CSMD2: variants seen among roughly 807,000 people sequenced by gnomAD.
The protein encoded by CSMD2 is CUB and sushi domain-containing protein 2.
A neutral mutation model predicts 398.5 loss-of-function variants in CSMD2; 130 were observed. The ratio of observed to expected loss-of-function variants is 0.33; its 90% CI spans 0.28 to 0.38. The LOEUF (loss-of-function observed/expected upper bound fraction) is 0.38. CSMD2 is among the 10% of genes least tolerant of loss of function. CSMD2 has a pLI of 1.00. For synonymous variants in CSMD2, 1,828 were observed against 1,908.5 expected, an observed-to-expected ratio of 0.96 and a Z score of 1.10; for missense variants, 3,829 against 4,764.9, an observed-to-expected ratio of 0.80 and a Z score of 5.78.
chr1:33,670,083 T>C (rs765428989), intron 25 of CSMD2, among the ~76,000 whole-genome samples: 1 of 152,194 alleles, frequency 6.6e-6, no homozygotes, highest in Non-Finnish European at 1.5e-5. Flanking sequence ...AGTAAATTCT[T>C]CTACCCCCTG....
intron 3 of CSMD2, 56 bp downstream of exon 3, chr1:34,032,538 G>T: frequency 8.8e-7 from 1 of 1,138,958 alleles, no homozygotes; most frequent in Non-Finnish European, 1.3e-6. Context: ...AGTCCTGCTT[G>T]TGGCTATTAG....
intron 23 of CSMD2, among the ~76,000 whole-genome samples, chr1:33,699,286 T>C (rs1341127553): frequency 6.6e-6 from 1 of 152,214 alleles, no homozygotes; most frequent in Non-Finnish European, 1.5e-5. Context: ...GATGGTGTAA[T>C]ATGGAGAAGT....
intron 3 of CSMD2, among the ~76,000 whole-genome samples, chr1:34,018,114 T>C (rs1348307821): frequency 6.6e-6 from 1 of 152,258 alleles, no homozygotes; most frequent in Non-Finnish European, 1.5e-5. Flanking sequence ...TCCCTGTTCA[T>C]ATAAGACCTA....
chr1:33,545,108 T>C (rs12136254), intron 57 of CSMD2, among the ~76,000 whole-genome samples: 28,773 of 152,072 alleles, frequency 0.19, 3,009 homozygotes, highest in East Asian at 0.36. Context: ...CCATTCCACT[T>C]GTATCTTGCT....
intron 3 of CSMD2, among the ~76,000 whole-genome samples, chr1:33,959,459 G>A (rs180996582): frequency 2.0e-5 from 3 of 152,222 alleles, no homozygotes; most frequent in Admixed American, 6.5e-5. Flanking sequence ...GCGTGTTCTC[G>A]CCCCAGCAGC....
intron 4 of CSMD2, among the ~76,000 whole-genome samples, chr1:33,931,745 G>A (rs904399820): frequency 1.3e-5 from 2 of 152,196 alleles, no homozygotes; most frequent in Non-Finnish European, 2.9e-5. Flanking sequence ...CTTTCTGGAA[G>A]AGCCTTCTGC....
intron 5 of CSMD2, among the ~76,000 whole-genome samples, chr1:33,897,014 G>A (rs1558069480): frequency 6.6e-6 from 1 of 151,994 alleles, no homozygotes; most frequent in Non-Finnish European, 1.5e-5. Context: ...GGTGGAGGGG[G>A]CAGGGTTACA....
chr1:33,601,341 G>A (rs1480793478), intron 43 of CSMD2, among the ~76,000 whole-genome samples: 1 of 152,168 alleles, frequency 6.6e-6, no homozygotes, highest in African/African-American at 2.4e-5. Flanking sequence ...CACTAGGACA[G>A]GGCTGAGGAG....
At chr1:33,788,135 C>T (rs1653757842) in intron 12 of CSMD2, among the ~76,000 whole-genome samples, 1 of 151,958 alleles carries the variant, frequency 6.6e-6, no homozygotes, top group African/African-American at 2.4e-5. Context: ...ACCAGAAGGC[C>T]CTCAGAACAA....
rs79531078 is a variant in CSMD2 at position 33,714,307 on chromosome 1, G to A, written c.3406+280C>T. Among the ~76,000 whole-genome samples the A allele has an allele frequency of 4.2e-3, 646 of 152,296 alleles. 8 individuals carry two copies. Among genetic ancestry groups the A allele is most frequent in the African/African-American group, 0.015 (615 of 41,566 alleles). ...GTGGGGAGGTAAGAGTACTGAAATCGACTTCATGTGAGTGCCCACTGTGGA... is the reference window on the plus strand; with the variant it reads ...GTGGGGAGGTAAGAGTACTGAAATCAACTTCATGTGAGTGCCCACTGTGGA... On this transcript the variant is annotated intron_variant, in intron 21 of 70. Transcript: ENST00000373381.
At chr1:33,601,529 G>C (rs1640216989) in intron 43 of CSMD2, among the ~76,000 whole-genome samples, 1 of 152,140 alleles carries the variant, frequency 6.6e-6, no homozygotes, top group Non-Finnish European at 1.5e-5. Context: ...ATTAACCCAG[G>C]GCAGTCTGGT....
intron 5 of CSMD2, among the ~76,000 whole-genome samples, chr1:33,865,899 C>T (rs955478131): frequency 6.6e-6 from 1 of 152,138 alleles, no homozygotes; most frequent in Non-Finnish European, 1.5e-5. Context: ...ATACTGTAGG[C>T]AACATTCCAT....
rs151242908 is a variant in CSMD2 at position 34,147,743 on chromosome 1, G to A, written c.187+17168C>T. Among the ~76,000 whole-genome samples the A allele has an allele frequency of 7.2e-3, 1,091 of 152,166 alleles. 25 individuals carry two copies. The highest frequency in any genetic ancestry group is 0.025 in the African/African-American group (1,039 of 41,484). ...GGAAACAGAGGGGAGGGAGGAGTTA[G>A]AGAAATGGGGCACAGGGATGCCAAT... On this transcript the variant is annotated intron_variant, in intron 1 of 70. Transcript: ENST00000373381.
In CSMD2 at chr1:33,635,365, T is replaced by C. The variant is rs1281075885; in HGVS notation, c.4970-35A>G. ...AAACCAGATAGAGAGTCAGGTGACC[T>C]TGTGGGCCTCTTACCAGTGACCATC... On this transcript the variant is annotated intron_variant, in intron 30 of 70. Coordinates refer to ENST00000373381, the MANE Select transcript of CSMD2 (RefSeq NM_001281956.2). The surrounding 1 kb of genome is among the most constrained non-coding windows in gnomAD (Gnocchi z 5.0). 4 of 1,309,780 alleles carry C rather than the reference T, an allele frequency of 3.1e-6. No individual in the cohort carries two copies. The African/African-American group carries it at 4.4e-5, about 14-fold the overall frequency. 81.1% of individuals were successfully genotyped at this position (1,309,780 alleles called of 1,614,324 possible). A position where few individuals can be genotyped will look rare whatever the true frequency, so the allele number is the denominator to read the frequency against.
chr1:34,030,228 G>T (rs551356069), intron 3 of CSMD2, among the ~76,000 whole-genome samples: 1 of 152,292 alleles, frequency 6.6e-6, no homozygotes, highest in Non-Finnish European at 1.5e-5. Flanking sequence ...AATGTAAATA[G>T]CCATATGTGG....
At chr1:33,563,291 G>C (rs1171585375) in intron 53 of CSMD2, among the ~76,000 whole-genome samples, 1 of 152,072 alleles carries the variant, frequency 6.6e-6, no homozygotes, top group African/African-American at 2.4e-5. Flanking sequence ...CATAGGAGAG[G>C]ATTAAGAATA....
In CSMD2 at chr1:34,064,703, G is replaced by A. The variant is rs145107313; in HGVS notation, c.404+24274C>T. Among the ~76,000 whole-genome samples, 638 of 152,124 alleles carry A rather than the reference G, an allele frequency of 4.2e-3. 3 individuals carry two copies. The highest frequency in any genetic ancestry group is 0.014 in the African/African-American group (583 of 41,472). On this transcript the variant is annotated intron_variant, in intron 2 of 70. Coordinates refer to ENST00000373381, the MANE Select transcript of CSMD2 (RefSeq NM_001281956.2). Reference sequence around the variant, plus strand: ...GTTCCAAAGTTGCTTCCACATTTTCGGGTATCTTTTCAGCAACACTTCACT... The same window carrying A: ...GTTCCAAAGTTGCTTCCACATTTTCAGGTATCTTTTCAGCAACACTTCACT...
intron 1 of CSMD2, among the ~76,000 whole-genome samples, chr1:34,152,497 T>C (rs1334475053): frequency 6.6e-6 from 1 of 152,138 alleles, no homozygotes; most frequent in Non-Finnish European, 1.5e-5. Context: ...ATGCCCTTCT[T>C]TGGTGAGCAA....
chr1:33,549,020 G>A (rs1319326859), intron 56 of CSMD2, among the ~76,000 whole-genome samples: 1 of 152,200 alleles, frequency 6.6e-6, no homozygotes, highest in Non-Finnish European at 1.5e-5. Flanking sequence ...GTCATATAGA[G>A]TGATGTGTCT....
Sources: allele counts gnomAD v4.1 joint callset (sites outside exome capture counted in the v4.1 genomes callset), GRCh38; gene constraint gnomAD v4.1.1; non-coding constraint Gnocchi (gnomAD v3.1); transcripts MANE v1.5; gene names NCBI Gene and HGNC (gene_info 2026-07-23, HGNC 2026-07-21).